Variants in SLC44A5 observed in about 807,000 individuals in gnomAD.
The protein encoded by SLC44A5 is choline transporter-like protein 5.
Under a neutral mutation model 101.8 loss-of-function variants are expected in SLC44A5, and 57 were observed. That is an observed-to-expected ratio of 0.56 (90% CI 0.45 to 0.70). The LOEUF (loss-of-function observed/expected upper bound fraction) is 0.70. Among genes scored for constraint, SLC44A5 ranks in the 30% least tolerant of loss-of-function variants. The pLI, the probability that SLC44A5 is intolerant of heterozygous loss-of-function variation, is 0.00. For synonymous variants in SLC44A5, 281 were observed against 290.9 expected, an observed-to-expected ratio of 0.97 and a Z score of 0.35; for missense variants, 737 against 853.1, an observed-to-expected ratio of 0.86 and a Z score of 1.70.
At chr1:75,547,025 A>G (rs1671685676) in intron 1 of SLC44A5, among the ~76,000 whole-genome samples, 1 of 152,198 alleles carries the variant, frequency 6.6e-6, no homozygotes, top group Admixed American at 6.5e-5. Flanking sequence ...TGGATGAAAG[A>G]ATAATGAAAT....
chr1:75,428,977 T>C (rs768925838), intron 2 of SLC44A5, among the ~76,000 whole-genome samples: 1 of 152,176 alleles, frequency 6.6e-6, no homozygotes, highest in Admixed American at 6.5e-5. Context: ...GGTCACTAAA[T>C]ACATTATTTT....
At chr1:75,210,037 T>C (rs746822897) in intron 23 of SLC44A5, among the ~76,000 whole-genome samples, 16 of 143,526 alleles carry the variant, frequency 1.1e-4, no homozygotes, top group Admixed American at 4.9e-4. Context: ...GAGGTACTAA[T>C]ATTAAAAAAA....
rs141581414 is a variant in SLC44A5, at chr1:75,318,327, T to C, written c.102-17642A>G. Among the ~76,000 whole-genome samples, 1,403 of 151,278 alleles carry C rather than the reference T, an allele frequency of 9.3e-3. 30 individuals are homozygous for C. Among genetic ancestry groups the C allele is most frequent in the African/African-American group, 0.032 (1,337 of 41,194 alleles). On this transcript the variant is annotated intron_variant, in intron 4 of 23. Transcript: ENST00000370859. ...AAGCGTTCGAGGCTACAGTGAGTGA[T>C]GATTGTGCCATTGCACTCCAGCCTG...
At chr1:75,479,951 A>C (rs1667724131) in intron 2 of SLC44A5, among the ~76,000 whole-genome samples, 1 of 152,242 alleles carries the variant, frequency 6.6e-6, no homozygotes, top group Admixed American at 6.5e-5. Context: ...ACAACCAAAA[A>C]AAGAGAATTT....
At chr1:75,632,595 C>T in the SLC44A5 span, among the ~76,000 whole-genome samples, 3 of 118,144 alleles carry the variant, frequency 2.5e-5, no homozygotes, top group South Asian at 6.2e-4. Context: ...TGCAGAATGA[C>T]TATCATTCCT....
At chr1:75,376,072 TGACG>T (rs1223306316) in intron 3 of SLC44A5, among the ~76,000 whole-genome samples, 1 of 152,090 alleles carries the variant, frequency 6.6e-6, no homozygotes, top group Non-Finnish European at 1.5e-5. Flanking sequence ...AAGAAAGGGG[TGACG>T]GACGCACCTG....
At chr1:75,292,152 T>C (rs1228453214) in intron 5 of SLC44A5, among the ~76,000 whole-genome samples, 1 of 152,108 alleles carries the variant, frequency 6.6e-6, no homozygotes, top group Non-Finnish European at 1.5e-5. Context: ...AATTCCCTGG[T>C]AAAGGTTCTG....
intron 23 of SLC44A5, among the ~76,000 whole-genome samples, chr1:75,208,097 G>A (rs551655309): frequency 2.0e-5 from 3 of 152,232 alleles, no homozygotes; most frequent in South Asian, 2.1e-4. Flanking sequence ...GAAAGTTCTC[G>A]AGTTAATAAG....
the SLC44A5 span, among the ~76,000 whole-genome samples, chr1:75,695,745 T>C: frequency 6.7e-6 from 1 of 148,326 alleles, no homozygotes; most frequent in Admixed American, 6.8e-5. Context: ...AAATATATAT[T>C]GTTTACATAT....
chr1:75,346,264 T>C (rs1489008191), intron 3 of SLC44A5, among the ~76,000 whole-genome samples: 1 of 152,156 alleles, frequency 6.6e-6, no homozygotes, highest in African/African-American at 2.4e-5. Context: ...TCACCTTATA[T>C]TCTACCAAGA....
intron 2 of SLC44A5, among the ~76,000 whole-genome samples, chr1:75,403,204 T>G (rs1200861144): frequency 1.3e-5 from 2 of 152,150 alleles, no homozygotes; most frequent in Non-Finnish European, 2.9e-5. Flanking sequence ...AGTCAGGGGC[T>G]TATAGATAAA....
intron 2 of SLC44A5, among the ~76,000 whole-genome samples, chr1:75,449,806 TC>T (rs1485962711): frequency 6.6e-6 from 1 of 151,958 alleles, no homozygotes; most frequent in Non-Finnish European, 1.5e-5. Flanking sequence ...ACCAAGACCA[TC>T]CTGGCCAACA....
At chr1:75,512,575 T>G (rs1026314059) in intron 2 of SLC44A5, among the ~76,000 whole-genome samples, 6 of 152,224 alleles carry the variant, frequency 3.9e-5, no homozygotes, top group Non-Finnish European at 8.8e-5. Context: ...TTAAAGTATG[T>G]GAGCAAAACA....
At chr1:75,425,086 T>C (rs376181186) in intron 2 of SLC44A5, among the ~76,000 whole-genome samples, 3 of 152,238 alleles carry the variant, frequency 2.0e-5, no homozygotes, top group Non-Finnish European at 4.4e-5. Context: ...CTTCATTTAT[T>C]GTAGCTCTTT....
At chr1:75,558,633 A>T (rs1452802694) in intron 1 of SLC44A5, among the ~76,000 whole-genome samples, 1 of 152,094 alleles carries the variant, frequency 6.6e-6, no homozygotes, top group East Asian at 1.9e-4. Flanking sequence ...TTTTATACAG[A>T]ACTACAGGAA....
intron 1 of SLC44A5, among the ~76,000 whole-genome samples, chr1:75,590,235 G>A (rs1557939917): frequency 6.6e-6 from 1 of 151,962 alleles, no homozygotes; most frequent in South Asian, 2.1e-4. Flanking sequence ...TACCAGCTTA[G>A]CCACAGCAGG....
At chr1:75,526,597 GTTAC>G (rs1406540905) in intron 2 of SLC44A5, among the ~76,000 whole-genome samples, 1 of 152,152 alleles carries the variant, frequency 6.6e-6, no homozygotes, top group Non-Finnish European at 1.5e-5. Context: ...GGGTTTGTCT[GTTAC>G]AACAGCTAGT....
At chr1:75,646,881 G>T in the SLC44A5 span, among the ~76,000 whole-genome samples, 1 of 152,174 alleles carries the variant, frequency 6.6e-6, no homozygotes, top group Non-Finnish European at 1.5e-5. Flanking sequence ...TGTTCAAGAG[G>T]TGACAGAGCA....
At chr1:75,447,255 A>C (rs1181102470) in intron 2 of SLC44A5, among the ~76,000 whole-genome samples, 1 of 152,186 alleles carries the variant, frequency 6.6e-6, no homozygotes, top group Admixed American at 6.6e-5. Flanking sequence ...TATTAAGATC[A>C]TTGCAGGAAT....
Sources: allele counts gnomAD v4.1 joint callset (sites outside exome capture counted in the v4.1 genomes callset), GRCh38; gene constraint gnomAD v4.1.1; transcripts MANE v1.5; gene names NCBI Gene and HGNC (gene_info 2026-07-23, HGNC 2026-07-21).